Variants in CFAP74 observed in about 807,000 individuals in gnomAD.
CFAP74 encodes the protein cilia- and flagella-associated protein 74.
Under a neutral mutation model 188.9 loss-of-function variants are expected in CFAP74, and 124 were observed. The ratio of observed to expected loss-of-function variants is 0.66; its 90% CI spans 0.57 to 0.76. The LOEUF is 0.76. Among genes scored for constraint, CFAP74 ranks in the 30% least tolerant of loss-of-function variants. The probability of loss-of-function intolerance (pLI) is 0.00; values close to 1 mark genes in which losing one functional copy is unlikely to be tolerated. For missense variants in CFAP74, 2,198 were observed against 2,165.2 expected, an observed-to-expected ratio of 1.02 and a Z score of -0.30; for synonymous variants, 956 against 916.7, an observed-to-expected ratio of 1.04 and a Z score of -0.77.
chr1:1,974,159 G>A lies in CFAP74; in HGVS notation c.540C>T (p.Leu180=), dbSNP rs768338093. The A allele has an allele frequency of 7.5e-6, 12 of 1,610,680 alleles. No individual in the cohort carries two copies. Among genetic ancestry groups the A allele is most frequent in the African/African-American group, 6.7e-5 (5 of 74,790 alleles). The change falls in exon 7 of 39, where the codon CTC becomes CTT. Residue 180 remains leucine (L), a synonymous_variant. Transcript: ENST00000682832. ...CACGGTCAGCTGTCCGGAAGGCCTC[G>A]AGTCGCCCCTCCTGGATCTCGATGT... is the stretch of plus-strand genomic sequence containing the variant. The part of the protein sequence containing the change: ...MWHIEIQEGR[L]EAFRTADREE...
intron 3 of CFAP74, 104 bp from the exon 4 acceptor site, chr1:1,988,759 G>T: frequency 7.3e-7 from 1 of 1,378,058 alleles, no homozygotes; most frequent in Non-Finnish European, 1.0e-6. Flanking sequence ...CTGCTTCAGG[G>T]CGGGAGCTGC....
In CFAP74 at chr1:1,963,827, A is replaced by C. The variant is rs754018852; in HGVS notation, c.1616T>G (p.Leu539Trp). Residue 539 changes from leucine to tryptophan, a missense_variant, in exon 14 of 39, where the codon TTG becomes TGG. Leu to Trp is a moderately conservative substitution (Grantham distance 61). Transcript: ENST00000682832. ...IGKVYKKKITLVNTTYTINYC... is the reference protein window; with the variant it reads ...IGKVYKKKITWVNTTYTINYC... ...GTTGATCGTGTAGGTGGTGTTTACC[A>C]ACGTGATCTTTTTCTTGTACACTTT... is the stretch of plus-strand genomic sequence containing the variant. The C allele has an allele frequency of 1.1e-5, 18 of 1,613,738 alleles. No individual in the cohort carries two copies. The highest frequency in any genetic ancestry group is 8.5e-7 in the Non-Finnish European group (1 of 1,179,946).
At chr1:1,983,269 G>C (rs1031943658) in intron 6 of CFAP74, among the ~76,000 whole-genome samples, 1 of 152,238 alleles carries the variant, frequency 6.6e-6, no homozygotes, top group Non-Finnish European at 1.5e-5. Flanking sequence ...GCCAGCGCTC[G>C]TGTGAAAGGG....
At position 1,960,023 on chromosome 1, in the gene CFAP74, G is replaced by T. The variant is rs575824552; in HGVS notation, c.1702C>A (p.Pro568Thr). The change falls in exon 15 of 39, where the codon CCC becomes ACC. Residue 568 changes from proline (P) to threonine (T), a missense_variant. Coordinates refer to ENST00000682832, the MANE Select transcript of CFAP74 (RefSeq NM_001304360.2). ...LRDFIHVDFD[P>T]PGPLSAGMSC... ...ATTCCGGCTGACAGGGGGCCAGGGG[G>T]GTCAAAGCTGCAGGACGTGACCCAT... The T allele has an allele frequency of 6.3e-7, 1 of 1,591,816 alleles. No homozygotes were observed. The highest frequency in any genetic ancestry group is 1.4e-5 in the African/African-American group (1 of 72,586).
rs367585876 is a variant in CFAP74, at chr1:1,990,991, G to T, written c.-19-16C>A. The T allele has an allele frequency of 2.8e-5, 41 of 1,480,492 alleles. No homozygotes were observed. Among genetic ancestry groups the T allele is most frequent in the Non-Finnish European group, 3.8e-5 (41 of 1,072,284 alleles). The allele number at this position is 1,480,492 out of a possible 1,614,324, so 91.7% of individuals were successfully genotyped here. A position where few individuals can be genotyped will look rare whatever the true frequency, so the allele number is the denominator to read the frequency against. The stretch of plus-strand genomic sequence containing the variant: ...TAGAAATTAGCTGCAAAAGATGATC[G>T]CAAAATATAGATCAATAAAATCATA... On this transcript the variant is annotated splice_polypyrimidine_tract_variant and intron_variant, in intron 1 of 38. Transcript: ENST00000682832.
At chr1:1,955,261 G>A in intron 18 of CFAP74, 2 of 1,293,190 alleles carry the variant, frequency 1.5e-6, no homozygotes, top group Non-Finnish European at 1.0e-6. Context: ...GCGGCGGGCT[G>A]CAGGGCAGGA....
chr1:2,003,356 G>A (rs985584610), intron 1 of CFAP74, among the ~76,000 whole-genome samples: 8 of 152,148 alleles, frequency 5.3e-5, no homozygotes, highest in Non-Finnish European at 1.2e-4. Flanking sequence ...TGACTTTGGG[G>A]CTATGGACCA....
chr1:1,924,049 C>G (rs1473602390), intron 34 of CFAP74, 120 bp from the exon 35 acceptor site: 1 of 1,058,822 alleles, frequency 9.4e-7, no homozygotes, highest in Non-Finnish European at 1.3e-6. Flanking sequence ...CTGTCCTGCC[C>G]GGTCCCCCCA....
At chr1:1,931,642 CAGA>C (rs1652388036) in intron 25 of CFAP74, among the ~76,000 whole-genome samples, 1 of 143,208 alleles carries the variant, frequency 7.0e-6, no homozygotes, top group African/African-American at 2.6e-5. Context: ...GAGGCTGAGG[CAGA>C]AGAATGGCGT....
intron 26 of CFAP74, among the ~76,000 whole-genome samples, chr1:1,929,688 G>A (rs1051639106): frequency 2.0e-5 from 3 of 151,824 alleles, no homozygotes; most frequent in African/African-American, 4.8e-5. Context: ...GGGAGTGGCC[G>A]ACACCTTGTC....
At chr1:1,938,229 A>AAC (rs1178140203) in intron 25 of CFAP74, among the ~76,000 whole-genome samples, 8 of 150,890 alleles carry the variant, frequency 5.3e-5, no homozygotes, top group African/African-American at 2.0e-4. Context: ...ACTCACAGTC[A>AAC]CATGCTCACA....
At chr1:1,925,152 G>A (rs1651769143) in intron 33 of CFAP74, among the ~76,000 whole-genome samples, 1 of 149,784 alleles carries the variant, frequency 6.7e-6, no homozygotes, top group Non-Finnish European at 1.5e-5. Context: ...GCAGGGCAGG[G>A]CGAAGGCATG....
rs1471126165 is a variant in CFAP74 at position 1,985,472 on chromosome 1, G to C, written c.414C>G (p.Leu138=). 6.2e-7 allele frequency: 1 copy of C among 1,613,880 alleles called. No individual in the cohort carries two copies. The highest frequency in any genetic ancestry group is 1.1e-5 in the South Asian group (1 of 91,084). The change falls in exon 6 of 39, where the codon CTC becomes CTG. Residue 138 remains leucine (L), a synonymous_variant. Transcript: ENST00000682832. ...EAGNMAAVGR[L]QAVSRRLFAE... is the part of the protein sequence containing the mutation. Reference sequence around the variant, plus strand: ...CAAACAGGCGTCTGGACACGGCCTGGAGGCGGCCCACAGCGGCCCTGCAGT... The same window carrying C: ...CAAACAGGCGTCTGGACACGGCCTGCAGGCGGCCCACAGCGGCCCTGCAGT...
intron 25 of CFAP74, among the ~76,000 whole-genome samples, chr1:1,938,208 CACAT>C (rs1653062253): frequency 7.1e-6 from 1 of 141,740 alleles, no homozygotes. Context: ...CACATGCTCA[CACAT>C]ACATGCACTC....
chr1:1,987,614 T>C (rs1657320590), intron 4 of CFAP74, among the ~76,000 whole-genome samples: 1 of 151,660 alleles, frequency 6.6e-6, no homozygotes, highest in Non-Finnish European at 1.5e-5. Flanking sequence ...CGATCTCGGC[T>C]CACTGCAACC....
intron 1 of CFAP74, among the ~76,000 whole-genome samples, chr1:1,992,925 G>A (rs953206513): frequency 1.3e-5 from 2 of 151,912 alleles, no homozygotes; most frequent in African/African-American, 2.4e-5. Flanking sequence ...AACAGGCCGG[G>A]CACAGTGGCT....
At chr1:1,993,885 G>A in intron 1 of CFAP74, among the ~76,000 whole-genome samples, 1 of 151,092 alleles carries the variant, frequency 6.6e-6, no homozygotes. Flanking sequence ...GGGAGGCTGA[G>A]GCAGGAGAAT....
intron 1 of CFAP74, among the ~76,000 whole-genome samples, chr1:1,998,399 C>T (rs901223534): frequency 2.0e-5 from 3 of 151,976 alleles, no homozygotes; most frequent in African/African-American, 7.3e-5. Flanking sequence ...TGATATATCG[C>T]CTGGGATTTT....
intron 1 of CFAP74, among the ~76,000 whole-genome samples, chr1:1,996,736 C>T (rs74630748): frequency 4.0e-5 from 6 of 151,382 alleles, no homozygotes; most frequent in South Asian, 2.1e-4. Context: ...GCCTGACCAA[C>T]ATGGTGAAAC....
Sources: gnomAD v4.1 joint callset for allele counts (sites outside exome capture counted in the v4.1 genomes callset) on GRCh38, gnomAD v4.1.1 for gene constraint, MANE v1.5 for transcripts, NCBI Gene and HGNC (gene_info 2026-07-23, HGNC 2026-07-21) for gene names.